The following MOB3B variants were observed in gnomAD, a reference collection of about 807,000 sequenced individuals.
MOB3B encodes the protein MOB kinase activator-like 2B.
In MOB3B, 7 loss-of-function variants were observed where a neutral mutation model predicts 18.7. The ratio of observed to expected loss-of-function variants is 0.37; its 90% confidence interval spans 0.21 to 0.70. MOB3B has a LOEUF of 0.70. Ranked by LOEUF, MOB3B falls within the 30% of genes least tolerant of loss-of-function variation. The pLI is 0.52. For missense variants in MOB3B, 253 were observed against 281.3 expected, an observed-to-expected ratio of 0.90 and a Z score of 0.72; for synonymous variants, 111 against 99.9, an observed-to-expected ratio of 1.11 and a Z score of -0.66.
At chr9:27,498,803 T>C (rs1223207690) in intron 1 of MOB3B, among the ~76,000 whole-genome samples, 1 of 152,222 alleles carries the variant, frequency 6.6e-6, no homozygotes, top group Non-Finnish European at 1.5e-5. Flanking sequence ...CTGGATCTTA[T>C]GATTCTTTAA....
In MOB3B at chr9:27,528,777, CG is replaced by C. The variant is rs1820481010; in HGVS notation, c.-199+777del. Among the ~76,000 whole-genome samples, 8 of 144,490 alleles carry C rather than the reference CG, an allele frequency of 5.5e-5. No homozygotes were observed. In the South Asian group the frequency reaches 1.6e-3, roughly 28 times the overall value. The allele number at this position is 144,490 out of a possible 152,430, so 94.8% of individuals were successfully genotyped here. A position where few individuals can be genotyped will look rare whatever the true frequency, so the allele number is the denominator to read the frequency against. On this transcript the variant is annotated intron_variant, in intron 1 of 3. Coordinates refer to ENST00000262244, the MANE Select transcript of MOB3B (RefSeq NM_024761.5). ...TAGGGGAGAGGGTCAGGAAAGAGCG[CG>C]AGGGGGGGGATCCCGAGAGATTTAG...
chr9:27,437,514 A>G (rs569868026), intron 2 of MOB3B, among the ~76,000 whole-genome samples: 39 of 152,302 alleles, frequency 2.6e-4, no homozygotes, highest in Non-Finnish European at 5.0e-4. Context: ...TTTATAAGCA[A>G]TCCATTTATT....
At chr9:27,391,638 G>A (rs957563068) in intron 2 of MOB3B, 2 of 152,198 alleles carry the variant, frequency 1.3e-5, no homozygotes, top group Admixed American at 6.5e-5. Flanking sequence ...CAATTGACTT[G>A]CAATCAAGAG....
intron 1 of MOB3B, among the ~76,000 whole-genome samples, chr9:27,480,907 ACT>A (rs570625769): frequency 9.9e-4 from 151 of 152,282 alleles, no homozygotes; most frequent in African/African-American, 3.5e-3. Flanking sequence ...ACAAGCACTG[ACT>A]CTATAAAAGA....
At chr9:27,373,648 T>C (rs1487918999) in intron 2 of MOB3B, among the ~76,000 whole-genome samples, 4 of 152,210 alleles carry the variant, frequency 2.6e-5, no homozygotes, top group Admixed American at 2.6e-4. Context: ...CAAAATAAAA[T>C]ACATAAAAGT....
chr9:27,338,024 C>A (rs148213279), intron 3 of MOB3B, among the ~76,000 whole-genome samples: 2 of 152,188 alleles, frequency 1.3e-5, no homozygotes, highest in Non-Finnish European at 1.5e-5. Context: ...CTAATGCCTG[C>A]TGGTGTCCTC....
intron 1 of MOB3B, among the ~76,000 whole-genome samples, chr9:27,507,451 A>G (rs928533017): frequency 1.3e-5 from 2 of 152,186 alleles, no homozygotes; most frequent in African/African-American, 4.8e-5. Context: ...GGTGCTTACA[A>G]TGCGCACTCC....
chr9:27,517,669 A>AAG (rs1820258435), intron 1 of MOB3B, among the ~76,000 whole-genome samples: 3 of 151,104 alleles, frequency 2.0e-5, no homozygotes, highest in East Asian at 1.9e-4. Context: ...AAAAAAAAAA[A>AAG]AAAGAGGTAG....
At chr9:27,399,459 C>T (rs79630433) in intron 2 of MOB3B, among the ~76,000 whole-genome samples, 6,189 of 152,176 alleles carry the variant, frequency 0.041, 402 homozygotes, top group African/African-American at 0.14. Flanking sequence ...CAGCTCATTC[C>T]CACCTGGTTG....
At chr9:27,391,283 ATCT>A (rs1408688156) in intron 2 of MOB3B, among the ~76,000 whole-genome samples, 1 of 152,192 alleles carries the variant, frequency 6.6e-6, no homozygotes, top group Non-Finnish European at 1.5e-5. Flanking sequence ...TTCAGTAATA[ATCT>A]TCTTTTTAAA....
intron 1 of MOB3B, among the ~76,000 whole-genome samples, chr9:27,461,815 C>CA (rs1819293320): frequency 6.6e-6 from 1 of 152,166 alleles, no homozygotes. Context: ...GATGAATGCA[C>CA]AGGTGTTTTC....
At chr9:27,397,539 T>G (rs1387272270) in intron 2 of MOB3B, 1 of 152,216 alleles carries the variant, frequency 6.6e-6, no homozygotes, top group Non-Finnish European at 1.5e-5. Context: ...CCTCCTCCAA[T>G]GGCTCTAATG....
intron 1 of MOB3B, among the ~76,000 whole-genome samples, chr9:27,461,523 C>T (rs1819287285): frequency 6.6e-6 from 1 of 152,200 alleles, no homozygotes; most frequent in Admixed American, 6.5e-5. Flanking sequence ...TTTTAATCTT[C>T]AAAGATATGC....
At chr9:27,358,793 C>T (rs1223416998) in intron 3 of MOB3B, 2 of 711,320 alleles carry the variant, frequency 2.8e-6, no homozygotes, top group Non-Finnish European at 5.2e-6. Flanking sequence ...CTGATCCAAA[C>T]TATTATATTC....
chr9:27,357,708 C>T (rs1587152496), intron 3 of MOB3B, among the ~76,000 whole-genome samples: 1 of 151,562 alleles, frequency 6.6e-6, no homozygotes, highest in African/African-American at 2.4e-5. Context: ...ATAACAAATT[C>T]TCTTTTCAAT....
intron 1 of MOB3B, among the ~76,000 whole-genome samples, chr9:27,511,060 G>A (rs1394950291): frequency 6.6e-6 from 1 of 152,116 alleles, no homozygotes; most frequent in African/African-American, 2.4e-5. Flanking sequence ...GCATGGAGAG[G>A]GAAAGAATCT....
chr9:27,378,507 G>C, intron 2 of MOB3B: 1 of 471,152 alleles, frequency 2.1e-6, no homozygotes, highest in Non-Finnish European at 4.4e-6. Context: ...CCAGGGTTTA[G>C]TCCCAGAACT....
chr9:27,523,844 T>C (rs1439544566), intron 1 of MOB3B, among the ~76,000 whole-genome samples: 4 of 152,210 alleles, frequency 2.6e-5, no homozygotes, highest in Non-Finnish European at 5.9e-5. Flanking sequence ...CACAGTCATT[T>C]GGTCAATGTC....
chr9:27,516,143 G>C (rs1820229984), intron 1 of MOB3B, among the ~76,000 whole-genome samples: 1 of 152,194 alleles, frequency 6.6e-6, no homozygotes, highest in South Asian at 2.1e-4. Context: ...TTGTTTAGAG[G>C]CTTTGGCAGA....
Sources: gnomAD v4.1 joint callset for allele counts (sites outside exome capture counted in the v4.1 genomes callset) on GRCh38, gnomAD v4.1.1 for gene constraint, MANE v1.5 for transcripts, NCBI Gene and HGNC (gene_info 2026-07-23, HGNC 2026-07-21) for gene names.